MYO1E: variants seen among roughly 807,000 people sequenced by gnomAD.
MYO1E encodes the protein unconventional myosin-Ie.
A neutral mutation model predicts 151.1 loss-of-function variants in MYO1E; 68 were observed. That is an observed-to-expected ratio of 0.45 (90% CI 0.37 to 0.55). MYO1E has a LOEUF of 0.55. MYO1E is among the 20% of genes least tolerant of loss of function. The pLI, the probability that MYO1E is intolerant of heterozygous loss-of-function variation, is 0.00. For synonymous variants in MYO1E, 601 were observed against 501.7 expected, an observed-to-expected ratio of 1.20 and a Z score of -2.64; for missense variants, 1,363 against 1,389.3, an observed-to-expected ratio of 0.98 and a Z score of 0.30.
intron 9 of MYO1E, among the ~76,000 whole-genome samples, chr15:59,221,305 T>C (rs1374824424): frequency 6.6e-6 from 1 of 151,964 alleles, no homozygotes; most frequent in Non-Finnish European, 1.5e-5. Flanking sequence ...CCACCATGCC[T>C]GGCCTAAGAC....
chr15:59,237,578 A>C (rs754934851), intron 4 of MYO1E, among the ~76,000 whole-genome samples: 2 of 152,240 alleles, frequency 1.3e-5, no homozygotes, highest in Non-Finnish European at 2.9e-5. Flanking sequence ...ATATCATATA[A>C]AATGATGGTG....
intron 1 of MYO1E, among the ~76,000 whole-genome samples, chr15:59,349,352 G>C (rs1175432954): frequency 6.6e-6 from 1 of 151,930 alleles, no homozygotes; most frequent in African/African-American, 2.4e-5. Context: ...TTAGCTTCTA[G>C]ACAAGGCTGT....
rs1344404146 is a variant in MYO1E at position 59,135,958 on chromosome 15, C to T, written c.*1422G>A. On this transcript the variant is annotated 3_prime_UTR_variant, in exon 28 of 28. Coordinates refer to ENST00000288235, the MANE Select transcript of MYO1E (RefSeq NM_004998.4). ...TGTTAGGGCTGCCGTAACAAACTAC[C>T]ACAAACCGAGTGGCTTAAACAGCGA... 1.3e-5 allele frequency: 2 copies of T among 152,322 alleles called. No individual in the cohort carries two copies. The highest frequency in any genetic ancestry group is 1.5e-5 in the Non-Finnish European group (1 of 68,026). 9.4% of individuals were successfully genotyped at this position (152,322 alleles called of 1,614,324 possible).
At chr15:59,165,749 G>A (rs2079559814) in intron 22 of MYO1E, among the ~76,000 whole-genome samples, 2 of 152,178 alleles carry the variant, frequency 1.3e-5, no homozygotes, top group Admixed American at 6.5e-5. Context: ...AATTAATAAA[G>A]TCTAAGCCTC....
chr15:59,323,275 C>T (rs1337169752), intron 1 of MYO1E, among the ~76,000 whole-genome samples: 1 of 150,662 alleles, frequency 6.6e-6, no homozygotes, highest in Non-Finnish European at 1.5e-5. Flanking sequence ...CCAAACTAAA[C>T]CAATGGTTTT....
At chr15:59,290,727 A>G (rs772469725) in intron 1 of MYO1E, among the ~76,000 whole-genome samples, 1 of 152,246 alleles carries the variant, frequency 6.6e-6, no homozygotes. Context: ...ATCAATTGCC[A>G]AAACAGTCCC....
intron 20 of MYO1E, 34 bp from the exon 21 acceptor site, chr15:59,173,949 G>A (rs758289021): frequency 6.2e-7 from 1 of 1,608,416 alleles, no homozygotes; most frequent in South Asian, 1.1e-5. Flanking sequence ...ATGGAAGAAG[G>A]ATAAGTCAGT....
chr15:59,208,723 G>C lies in MYO1E; in HGVS notation c.1488C>G (p.Asn496Lys). The C allele has an allele frequency of 6.2e-7, 1 of 1,614,200 alleles. No individual in the cohort carries two copies. Among genetic ancestry groups the C allele is most frequent in the Non-Finnish European group, 8.5e-7 (1 of 1,180,034 alleles). ...QMQIGSHEHFNSWNQGFIIHH... is the reference protein window; with the variant it reads ...QMQIGSHEHFKSWNQGFIIHH... Reference sequence around the variant, plus strand: ...GAATGATGAAGCCTTGGTTCCAACTGTTGAAGTGCTCATGACTCCCAATCT... The same window carrying C: ...GAATGATGAAGCCTTGGTTCCAACTCTTGAAGTGCTCATGACTCCCAATCT... Residue 496 changes from asparagine (N) to lysine (K), a missense_variant, in exon 14 of 28, where the codon AAC becomes AAG. Asn to Lys is a moderately conservative substitution (Grantham distance 94). Transcript: ENST00000288235.
chr15:59,181,836 ACTTT>A, intron 18 of MYO1E, among the ~76,000 whole-genome samples: 1 of 152,284 alleles, frequency 6.6e-6, no homozygotes, highest in African/African-American at 2.4e-5. Context: ...TCAGGCTTTT[ACTTT>A]CTGTTTCTCA....
At chr15:59,333,385 G>A (rs1290889317) in intron 1 of MYO1E, among the ~76,000 whole-genome samples, 1 of 152,102 alleles carries the variant, frequency 6.6e-6, no homozygotes, top group African/African-American at 2.4e-5. Context: ...GGGATTACAG[G>A]CACTCCACCA....
intron 4 of MYO1E, among the ~76,000 whole-genome samples, chr15:59,244,964 T>G (rs1300255535): frequency 6.6e-6 from 1 of 152,212 alleles, no homozygotes; most frequent in Non-Finnish European, 1.5e-5. Flanking sequence ...TGCAGAAAGC[T>G]TGGGGAACAG....
At chr15:59,177,118 A>C (rs1015711409) in intron 19 of MYO1E, among the ~76,000 whole-genome samples, 11 of 152,190 alleles carry the variant, frequency 7.2e-5, no homozygotes, top group Non-Finnish European at 1.3e-4. Flanking sequence ...ACTCCATCCC[A>C]TTTTAGAAAG....
In MYO1E at chr15:59,136,787, G is replaced by A. The variant is rs773460295; in HGVS notation, c.*593C>T. The A allele has an allele frequency of 5.0e-5, 23 of 456,044 alleles. No individual in the cohort carries two copies. Among genetic ancestry groups the A allele is most frequent in the Middle Eastern group, 3.2e-4 (1 of 3,090 alleles). 28.2% of individuals were successfully genotyped at this position (456,044 alleles called of 1,614,324 possible). A position where few individuals can be genotyped will look rare whatever the true frequency, so the allele number is the denominator to read the frequency against. ...GCCCCCAGCCCCTGACCTGCTTGGC[G>A]GCCCTGATGGTCCCGGCAAAGTGTA... On this transcript the variant is annotated 3_prime_UTR_variant, in exon 28 of 28. Transcript: ENST00000288235.
At chr15:59,303,842 T>C (rs1481575369) in intron 1 of MYO1E, among the ~76,000 whole-genome samples, 2 of 152,166 alleles carry the variant, frequency 1.3e-5, no homozygotes, top group African/African-American at 4.8e-5. Context: ...TCTCTTCTGA[T>C]AAAATTAACA....
chr15:59,249,611 G>C (rs1190554901), intron 4 of MYO1E, among the ~76,000 whole-genome samples: 1 of 152,030 alleles, frequency 6.6e-6, no homozygotes, highest in Non-Finnish European at 1.5e-5. Context: ...TCACACCAGG[G>C]AAACTGGGAG....
chr15:59,195,811 TAC>T (rs2079763222), intron 16 of MYO1E, among the ~76,000 whole-genome samples: 1 of 152,196 alleles, frequency 6.6e-6, no homozygotes, highest in Non-Finnish European at 1.5e-5. Flanking sequence ...GCATTTTCAG[TAC>T]AGTTAATAAA....
chr15:59,325,624 A>T (rs2080658820), intron 1 of MYO1E, among the ~76,000 whole-genome samples: 1 of 152,212 alleles, frequency 6.6e-6, no homozygotes, highest in South Asian at 2.1e-4. Flanking sequence ...TTTTCCATGA[A>T]GGAATACTAA....
chr15:59,360,371 A>C (rs1442818737), intron 1 of MYO1E, among the ~76,000 whole-genome samples: 1 of 152,120 alleles, frequency 6.6e-6, no homozygotes, highest in Non-Finnish European at 1.5e-5. Context: ...AAAAAAAAGA[A>C]TTTTTGTCTG....
At chr15:59,215,884 C>A (rs1044388951) in intron 10 of MYO1E, among the ~76,000 whole-genome samples, 1 of 152,122 alleles carries the variant, frequency 6.6e-6, no homozygotes, top group Non-Finnish European at 1.5e-5. Context: ...TGCACCACCC[C>A]CTTGCTGACC....
Sources: allele counts gnomAD v4.1 joint callset (sites outside exome capture counted in the v4.1 genomes callset), GRCh38; gene constraint gnomAD v4.1.1; transcripts MANE v1.5; gene names NCBI Gene and HGNC (gene_info 2026-07-23, HGNC 2026-07-21).